The following PTPN21 variants were observed in gnomAD, a reference collection of about 807,000 sequenced individuals.
The protein encoded by PTPN21 is tyrosine-protein phosphatase non-receptor type 21.
In PTPN21, 77 loss-of-function variants were observed where a neutral mutation model predicts 131.8. That is an observed-to-expected ratio of 0.58 (90% CI 0.49 to 0.71). The LOEUF (loss-of-function observed/expected upper bound fraction) is 0.71, where lower values mean the gene tolerates loss of function less well. Ranked by LOEUF, PTPN21 falls within the 30% of genes least tolerant of loss-of-function variation. The pLI, the probability that PTPN21 is intolerant of heterozygous loss-of-function variation, is 0.00. For synonymous variants in PTPN21, 715 were observed against 621.3 expected (o/e 1.15, Z -2.24); for missense variants, 1,552 against 1,527.1 (o/e 1.02, Z -0.27).
intron 2 of PTPN21, among the ~76,000 whole-genome samples, chr14:88,542,793 G>T (rs1197669031): frequency 1.3e-5 from 2 of 152,134 alleles, no homozygotes; most frequent in African/African-American, 4.8e-5. Flanking sequence ...TTAGACTTGG[G>T]AAAGCTTTCT....
At chr14:88,484,213 A>ATTTTTTT (rs58568578) in intron 12 of PTPN21, among the ~76,000 whole-genome samples, 2 of 88,888 alleles carry the variant, frequency 2.3e-5, no homozygotes, top group Non-Finnish European at 2.8e-5. Context: ...ACGCCCAGCT[A>ATTTTTTT]TTTTTTTTTT....
At position 88,479,648 on chromosome 14, in the gene PTPN21, T is replaced by C. The variant is rs1057199003; in HGVS notation, c.1783A>G (p.Ile595Val). 2 of 1,506,038 alleles carry C rather than the reference T, an allele frequency of 1.3e-6. No individual in the cohort carries two copies. The highest frequency in any genetic ancestry group is 1.5e-5 in the African/African-American group (1 of 66,214). The allele number at this position is 1,506,038 out of a possible 1,614,324, so 93.3% of individuals were successfully genotyped here. Reference sequence around the variant, plus strand: ...ACCGAGTGGTGCACGCGCCGCGTGATGAGGTCGGGGTTGCTGCTGCTGATG... The same window carrying C: ...ACCGAGTGGTGCACGCGCCGCGTGACGAGGTCGGGGTTGCTGCTGCTGATG... ...LYISSSNPDL[I>V]TRRVHHSVQT... Residue 595 changes from isoleucine to valine, a missense_variant, in exon 13 of 19, where the codon ATC becomes GTC. Physicochemically the swap from Ile to Val is conservative, Grantham distance 29. Transcript: ENST00000556564.
Position 88,469,816 on chromosome 14 carries a change from C to A in PTPN21, c.3001-83G>T. On this transcript the variant is annotated intron_variant, in intron 16 of 18. Coordinates refer to ENST00000556564, the MANE Select transcript of PTPN21 (RefSeq NM_007039.4). The surrounding 1 kb of genome is among the most constrained non-coding windows in gnomAD (Gnocchi z 4.3). Reference sequence around the variant, plus strand: ...CATAGACGGCACATCTGAAACAGAACCACAACCCTACCCTGCCTTTTTCTC... The same window carrying A: ...CATAGACGGCACATCTGAAACAGAAACACAACCCTACCCTGCCTTTTTCTC... 1.2e-6 allele frequency: 2 copies of A among 1,601,624 alleles called. No homozygotes were observed. The highest frequency in any genetic ancestry group is 1.7e-6 in the Non-Finnish European group (2 of 1,168,936).
chr14:88,504,420 G>T lies in PTPN21; in HGVS notation c.587+5C>A. ...CTATTTCCATGTCTTATTTCTTAGAGTTACCTGTATTTCTGATGTAGTAAG... is the reference window on the plus strand; with the variant it reads ...CTATTTCCATGTCTTATTTCTTAGATTTACCTGTATTTCTGATGTAGTAAG... On this transcript the variant is annotated splice_donor_5th_base_variant and intron_variant, in intron 6 of 18. Transcript: ENST00000556564. 1 of 1,579,300 alleles carries T rather than the reference G, an allele frequency of 6.3e-7. No individual in the cohort carries two copies. Among genetic ancestry groups the T allele is most frequent in the Non-Finnish European group, 8.7e-7 (1 of 1,148,646 alleles).
intron 2 of PTPN21, among the ~76,000 whole-genome samples, chr14:88,529,927 A>G (rs2078530891): frequency 6.6e-6 from 1 of 152,034 alleles, no homozygotes; most frequent in African/African-American, 2.4e-5. Flanking sequence ...GGTAGCAGTG[A>G]GCCAAAATCA....
At chr14:88,540,217 T>C (rs1432409485) in intron 2 of PTPN21, among the ~76,000 whole-genome samples, 2 of 152,242 alleles carry the variant, frequency 1.3e-5, no homozygotes, top group Admixed American at 6.5e-5. Flanking sequence ...TAAAGAATAC[T>C]AAAAAAGAGC....
intron 2 of PTPN21, among the ~76,000 whole-genome samples, chr14:88,517,664 A>AGGTG (rs2078295943): frequency 7.3e-4 from 4 of 5,474 alleles, no homozygotes; most frequent in African/African-American, 1.1e-3. Flanking sequence ...ATATATACAC[A>AGGTG]TACACACACA....
chr14:88,530,075 A>AG (rs1297647327), intron 2 of PTPN21, among the ~76,000 whole-genome samples: 1 of 152,156 alleles, frequency 6.6e-6, no homozygotes, highest in African/African-American at 2.4e-5. Flanking sequence ...TTAACAGCAG[A>AG]TTTCTCAGCA....
At chr14:88,545,669 T>C (rs1214133892) in intron 2 of PTPN21, among the ~76,000 whole-genome samples, 1 of 152,208 alleles carries the variant, frequency 6.6e-6, no homozygotes, top group African/African-American at 2.4e-5. Context: ...GAATAATTCA[T>C]TTTCCCATTT....
In PTPN21 at chr14:88,473,652, G is replaced by A; in HGVS notation, c.2649+13C>T. On this transcript the variant is annotated intron_variant, in intron 14 of 18. Coordinates refer to ENST00000556564, the MANE Select transcript of PTPN21 (RefSeq NM_007039.4). ...CCAGAGAAGGCACAAAGCCCTGTGT[G>A]TCCCATACATACCCTTTCATCATTC... 6.2e-7 allele frequency: 1 copy of A among 1,607,904 alleles called. No individual in the cohort carries two copies. The highest frequency in any genetic ancestry group is 1.3e-5 in the African/African-American group (1 of 74,426).
At position 88,500,771 on chromosome 14, in the gene PTPN21, T is replaced by C. The variant is rs1196108187; in HGVS notation, c.764+12A>G. Reference sequence around the variant, plus strand: ...GCCATAGAAAACATACAAAAAGAGGTAAGAAAAATACCTAAATACCACAGG... The same window carrying C: ...GCCATAGAAAACATACAAAAAGAGGCAAGAAAAATACCTAAATACCACAGG... On this transcript the variant is annotated intron_variant, in intron 8 of 18. Transcript: ENST00000556564. 2 of 1,578,566 alleles carry C rather than the reference T, an allele frequency of 1.3e-6. No homozygotes were observed. Among genetic ancestry groups the C allele is most frequent in the African/African-American group, 2.7e-5 (2 of 74,072 alleles).
chr14:88,548,489 C>T (rs1262961389), intron 2 of PTPN21, among the ~76,000 whole-genome samples: 2 of 152,170 alleles, frequency 1.3e-5, no homozygotes, highest in African/African-American at 4.8e-5. Context: ...CCTGAGCAGC[C>T]TTCCCTTTGC....
Position 88,495,667 on chromosome 14 carries a change from G to A in PTPN21, c.932+746C>T, listed in dbSNP as rs116346797. Among the ~76,000 whole-genome samples, 318 of 152,310 alleles carry A rather than the reference G, an allele frequency of 2.1e-3. 4 individuals are homozygous for A. Among genetic ancestry groups the A allele is most frequent in the African/African-American group, 7.2e-3 (301 of 41,568 alleles). On this transcript the variant is annotated intron_variant, in intron 10 of 18. Coordinates refer to ENST00000556564, the MANE Select transcript of PTPN21 (RefSeq NM_007039.4). ...AAGGCCTCAGGACCAAACCAGCAAA[G>A]GTGACTGAGAAGAAACAGCCTAGAA...
chr14:88,469,474 T>C lies in PTPN21; in HGVS notation c.3235+25A>G. On this transcript the variant is annotated intron_variant, in intron 17 of 18. Transcript: ENST00000556564. The surrounding 1 kb of genome is among the most constrained non-coding windows in gnomAD (Gnocchi z 4.3). ...TTAACACCTCCAGAGGCAGCTGTCC[T>C]CGGAACAAAGTTAAAGTCACTCACA... The C allele has an allele frequency of 6.4e-7, 1 of 1,571,924 alleles. No homozygotes were observed. Among genetic ancestry groups the C allele is most frequent in the Non-Finnish European group, 8.8e-7 (1 of 1,141,952 alleles).
chr14:88,544,662 T>C (rs2078750732), intron 2 of PTPN21, among the ~76,000 whole-genome samples: 2 of 152,174 alleles, frequency 1.3e-5, no homozygotes, highest in African/African-American at 4.8e-5. Flanking sequence ...TGTTTCTGAA[T>C]ACTGCAGACT....
chr14:88,479,401 A>C lies in PTPN21; in HGVS notation c.2030T>G (p.Val677Gly). ...RAVSVGSQPS[V>G]FTERTQREGP... ...TTCTCGCTGTGTCCTCTCGGTGAAA[A>C]CGCTGGGCTGGGAGCCCACCGAGAC... The change falls in exon 13 of 19, where the codon GTT becomes GGT. Residue 677 changes from valine to glycine, a missense_variant. Transcript: ENST00000556564. 6.3e-7 allele frequency: 1 copy of C among 1,596,714 alleles called. No homozygotes were observed. The highest frequency in any genetic ancestry group is 8.5e-7 in the Non-Finnish European group (1 of 1,176,398).
intron 15 of PTPN21, among the ~76,000 whole-genome samples, chr14:88,470,901 T>A (rs1468768432): frequency 6.6e-6 from 1 of 152,066 alleles, no homozygotes; most frequent in Non-Finnish European, 1.5e-5. Context: ...GCTTATAAAG[T>A]GAGGTCCCAC....
intron 13 of PTPN21, among the ~76,000 whole-genome samples, chr14:88,476,490 A>G (rs561845019): frequency 4.6e-5 from 7 of 152,316 alleles, no homozygotes; most frequent in African/African-American, 1.7e-4. Flanking sequence ...GTGTCAAAAC[A>G]AATAAAAGCA....
intron 2 of PTPN21, among the ~76,000 whole-genome samples, chr14:88,537,175 A>C (rs192423034): frequency 6.1e-4 from 93 of 152,330 alleles, no homozygotes; most frequent in African/African-American, 2.0e-3. Flanking sequence ...TTGACCTTCT[A>C]AATTATTCTG....
Sources: gnomAD v4.1 joint callset for allele counts (sites outside exome capture counted in the v4.1 genomes callset) on GRCh38, gnomAD v4.1.1 for gene constraint, Gnocchi (gnomAD v3.1) non-coding constraint, MANE v1.5 for transcripts, NCBI Gene and HGNC (gene_info 2026-07-23, HGNC 2026-07-21) for gene names.